MGAT4C: variants seen among roughly 807,000 people sequenced by gnomAD.
MGAT4C encodes alpha-1,3-mannosyl-glycoprotein 4-beta-N-acetylglucosaminyltransferase C.
A neutral mutation model predicts 40.1 loss-of-function variants in MGAT4C; 19 were observed. The observed-to-expected ratio is 0.47, with a 90% confidence interval of 0.33 to 0.70. The LOEUF (loss-of-function observed/expected upper bound fraction) is 0.70, where lower values mean the gene tolerates loss of function less well. Among genes scored for constraint, MGAT4C ranks in the 30% least tolerant of loss-of-function variants. MGAT4C has a pLI of 0.02. For missense variants in MGAT4C, 491 were observed against 563.2 expected (o/e 0.87, Z 1.30); for synonymous variants, 181 against 187.1 (o/e 0.97, Z 0.27).
At chr12:86,764,956 C>T (rs1011215853) in intron 1 of MGAT4C, among the ~76,000 whole-genome samples, 4 of 152,136 alleles carry the variant, frequency 2.6e-5, no homozygotes, top group South Asian at 2.1e-4. Context: ...AAAAGCAGAG[C>T]GCCTCTCCTA....
At chr12:86,337,586 C>CA (rs59069586) in intron 3 of MGAT4C, among the ~76,000 whole-genome samples, 7,999 of 65,402 alleles carry the variant, frequency 0.12, 735 homozygotes, top group African/African-American at 0.26. Context: ...AATCTTGTCT[C>CA]AAAAAAAAAA....
intron 2 of MGAT4C, among the ~76,000 whole-genome samples, chr12:86,469,773 C>A (rs1385346583): frequency 6.6e-6 from 1 of 152,124 alleles, no homozygotes; most frequent in African/African-American, 2.4e-5. Flanking sequence ...TGTGAGATAA[C>A]TGTTATGGTT....
intron 2 of MGAT4C, among the ~76,000 whole-genome samples, chr12:86,026,603 GATATAA>G (rs1890268334): frequency 6.6e-6 from 1 of 151,814 alleles, no homozygotes; most frequent in Non-Finnish European, 1.5e-5. Context: ...CTAATTTTTT[GATATAA>G]ATATATTAGT....
intron 2 of MGAT4C, among the ~76,000 whole-genome samples, chr12:86,635,657 T>TTG (rs71309507): frequency 0.055 from 8,073 of 147,284 alleles, 263 homozygotes; most frequent in Middle Eastern, 0.12. Flanking sequence ...TCTATATACA[T>TTG]TGTGTGTGTG....
At chr12:86,595,516 G>T (rs1961501472) in intron 2 of MGAT4C, among the ~76,000 whole-genome samples, 1 of 149,076 alleles carries the variant, frequency 6.7e-6, no homozygotes, top group Non-Finnish European at 1.5e-5. Flanking sequence ...GGGTGACAGA[G>T]TGAAACTCTG....
At position 86,782,228 on chromosome 12, in the gene MGAT4C, C is replaced by T. The variant is rs544247736; in HGVS notation, c.-261-54987G>A. ...ACGGAGTCTCGCTCTGTCGCCCAGG[C>T]TGGAGTGCAGTGGCGGGATCTCGGC... On this transcript the variant is annotated intron_variant, in intron 1 of 7. Transcript: ENST00000548651. Among the ~76,000 whole-genome samples the T allele has an allele frequency of 1.0e-3, 118 of 116,600 alleles. 1 individual carries two copies. Among genetic ancestry groups the T allele is most frequent in the Middle Eastern group, 7.5e-3 (1 of 134 alleles). 76.5% of individuals were successfully genotyped at this position (116,600 alleles called of 152,430 possible). A position where few individuals can be genotyped will look rare whatever the true frequency, so the allele number is the denominator to read the frequency against.
chr12:86,306,341 T>C (rs953473183), intron 4 of MGAT4C, among the ~76,000 whole-genome samples: 2 of 150,598 alleles, frequency 1.3e-5, no homozygotes, highest in African/African-American at 5.0e-5. Flanking sequence ...ACAATGTGTA[T>C]ATAATAAAAA....
At chr12:86,251,606 C>A (rs774105477) in intron 1 of MGAT4C, among the ~76,000 whole-genome samples, 1 of 152,040 alleles carries the variant, frequency 6.6e-6, no homozygotes, top group Non-Finnish European at 1.5e-5. Context: ...TGCCTCTCAT[C>A]ACAGCAAATT....
chr12:86,068,684 T>G (rs891713957), intron 1 of MGAT4C, among the ~76,000 whole-genome samples: 4 of 151,912 alleles, frequency 2.6e-5, no homozygotes, highest in African/African-American at 7.2e-5. Context: ...TGAAGGCTTG[T>G]GCCAATCTAA....
intron 3 of MGAT4C, among the ~76,000 whole-genome samples, chr12:86,382,240 G>T (rs1297327378): frequency 6.6e-6 from 1 of 152,200 alleles, no homozygotes; most frequent in East Asian, 1.9e-4. Context: ...GAACTTGTTG[G>T]GAACTAGAGC....
At chr12:86,340,812 G>A (rs913018017) in intron 3 of MGAT4C, among the ~76,000 whole-genome samples, 1 of 152,100 alleles carries the variant, frequency 6.6e-6, no homozygotes, top group East Asian at 1.9e-4. Context: ...GATAGTGTGT[G>A]TACACTGGAG....
rs1950520897 is a variant in MGAT4C at position 86,212,718 on chromosome 12, C to T, written c.-57+43521G>A. Among the ~76,000 whole-genome samples, 3 of 96,406 alleles carry T rather than the reference C, an allele frequency of 3.1e-5. No homozygotes were observed. The South Asian group carries it at 1.3e-3, about 41-fold the overall frequency. The allele number at this position is 96,406 out of a possible 152,430, so 63.2% of individuals were successfully genotyped here. A position where few individuals can be genotyped will look rare whatever the true frequency, so the allele number is the denominator to read the frequency against. On this transcript the variant is annotated intron_variant, in intron 1 of 4. Transcript: ENST00000611864. Reference sequence around the variant, plus strand: ...CCCGGCTAAAACGGTGAAACCCCGTCTCTACTAAAAAAAAAAAAAAAAAAT... The same window carrying T: ...CCCGGCTAAAACGGTGAAACCCCGTTTCTACTAAAAAAAAAAAAAAAAAAT...
At chr12:86,519,250 A>G (rs1958749534) in intron 2 of MGAT4C, among the ~76,000 whole-genome samples, 1 of 152,176 alleles carries the variant, frequency 6.6e-6, no homozygotes, top group African/African-American at 2.4e-5. Flanking sequence ...TTTTCTAATG[A>G]TTGAATAACA....
chr12:86,049,487 A>C (rs1356408398), intron 2 of MGAT4C, among the ~76,000 whole-genome samples, 187 bp downstream of exon 2: 1 of 152,116 alleles, frequency 6.6e-6, no homozygotes, highest in Non-Finnish European at 1.5e-5. Flanking sequence ...AATGTTCAAG[A>C]AATGTTGTTA....
chr12:86,647,429 T>A (rs915107516), intron 2 of MGAT4C, among the ~76,000 whole-genome samples: 8 of 151,850 alleles, frequency 5.3e-5, no homozygotes, highest in African/African-American at 1.9e-4. Context: ...CAGTTTCAGG[T>A]GTTTATGTAA....
chr12:86,615,427 G>A (rs1003623951), intron 2 of MGAT4C, among the ~76,000 whole-genome samples: 1 of 151,982 alleles, frequency 6.6e-6, no homozygotes, highest in Non-Finnish European at 1.5e-5. Flanking sequence ...CCTTGAAACA[G>A]CAAATATCTC....
chr12:86,769,457 C>T (rs1438897071), intron 1 of MGAT4C, among the ~76,000 whole-genome samples: 1 of 152,060 alleles, frequency 6.6e-6, no homozygotes, highest in Admixed American at 6.6e-5. Flanking sequence ...GTCAGTGTGG[C>T]GATTCCTCAG....
chr12:86,005,208 A>G (rs1887752566), intron 2 of MGAT4C, among the ~76,000 whole-genome samples: 1 of 152,172 alleles, frequency 6.6e-6, no homozygotes, highest in Non-Finnish European at 1.5e-5. Context: ...CAGAGAAGCC[A>G]TTGCTTACTC....
At chr12:86,349,486 G>C (rs1353027089) in intron 3 of MGAT4C, among the ~76,000 whole-genome samples, 1 of 152,108 alleles carries the variant, frequency 6.6e-6, no homozygotes, top group Non-Finnish European at 1.5e-5. Flanking sequence ...CTGTAGCAAT[G>C]TCAAATCCTC....
Sources: gnomAD v4.1 joint callset for allele counts (sites outside exome capture counted in the v4.1 genomes callset) on GRCh38, gnomAD v4.1.1 for gene constraint, MANE v1.5 for transcripts, NCBI Gene and HGNC (gene_info 2026-07-23, HGNC 2026-07-21) for gene names.